The following NLGN1 variants were observed in gnomAD, a reference collection of about 807,000 sequenced individuals.
NLGN1 encodes the protein neuroligin 1.
NLGN1 carries 12 observed loss-of-function variants against 65.5 expected under a neutral mutation model. The observed-to-expected ratio is 0.18, with a 90% CI of 0.12 to 0.30. The LOEUF (loss-of-function observed/expected upper bound fraction) is 0.30. Ranked by LOEUF, NLGN1 falls within the 10% of genes least tolerant of loss-of-function variation. The pLI, the probability that NLGN1 is intolerant of heterozygous loss-of-function variation, is 1.00. For synonymous variants in NLGN1, 350 were observed against 359.5 expected (o/e 0.97, Z 0.30); for missense variants, 750 against 1,007.1 (o/e 0.74, Z 3.46).
intron 4 of NLGN1, among the ~76,000 whole-genome samples, chr3:174,257,346 G>C (rs568803152): frequency 1.3e-5 from 2 of 152,216 alleles, no homozygotes; most frequent in African/African-American, 4.8e-5. Flanking sequence ...AAGAGAATGT[G>C]GCAATTCCTC....
At chr3:173,407,160 A>G (rs1395768984) in intron 1 of NLGN1, among the ~76,000 whole-genome samples, 2 of 152,216 alleles carry the variant, frequency 1.3e-5, no homozygotes, top group African/African-American at 4.8e-5. Context: ...GATTATATTC[A>G]TATTGTAATC....
chr3:173,534,015 T>C (rs1737049185), intron 2 of NLGN1, among the ~76,000 whole-genome samples: 1 of 152,074 alleles, frequency 6.6e-6, no homozygotes, highest in African/African-American at 2.4e-5. Flanking sequence ...GAACATGGGC[T>C]TTTTAGCCAG....
intron 3 of NLGN1, among the ~76,000 whole-genome samples, chr3:173,684,687 C>A (rs1424646546): frequency 1.3e-5 from 2 of 152,114 alleles, no homozygotes; most frequent in South Asian, 4.1e-4. Context: ...TTATTGTTCA[C>A]TTTTTTTGTT....
At chr3:173,559,617 A>G in intron 2 of NLGN1, among the ~76,000 whole-genome samples, 1 of 152,222 alleles carries the variant, frequency 6.6e-6, no homozygotes, top group East Asian at 1.9e-4. Context: ...CCTATATCCT[A>G]TCCAGAAGTA....
chr3:174,232,445 A>G (rs1032989201), intron 4 of NLGN1, among the ~76,000 whole-genome samples: 2 of 152,208 alleles, frequency 1.3e-5, no homozygotes, highest in African/African-American at 2.4e-5. Flanking sequence ...GACAGGAGCC[A>G]TAGGCTGTTG....
intron 3 of NLGN1, among the ~76,000 whole-genome samples, chr3:173,630,071 C>T (rs9290475): frequency 0.37 from 56,565 of 151,876 alleles, 11,339 homozygotes; most frequent in African/African-American, 0.53. Context: ...AAACTATGTT[C>T]CTAGGTTACA....
chr3:173,939,867 A>G (rs1745703640), intron 4 of NLGN1, among the ~76,000 whole-genome samples: 1 of 152,052 alleles, frequency 6.6e-6, no homozygotes, highest in Non-Finnish European at 1.5e-5. Flanking sequence ...TGTTATCCAA[A>G]AGAAGTTGAA....
intron 4 of NLGN1, among the ~76,000 whole-genome samples, chr3:174,126,090 G>A (rs9878331): frequency 0.28 from 42,063 of 151,824 alleles, 7,574 homozygotes; most frequent in African/African-American, 0.52. Flanking sequence ...GTGTTCACCC[G>A]GGCATGATGC....
intron 2 of NLGN1, among the ~76,000 whole-genome samples, chr3:173,578,589 A>G (rs1745910656): frequency 6.6e-6 from 1 of 152,204 alleles, no homozygotes; most frequent in South Asian, 2.1e-4. Context: ...GGAAACATAG[A>G]CTCAAATAAA....
intron 2 of NLGN1, among the ~76,000 whole-genome samples, chr3:173,585,777 T>A (rs1747328946): frequency 6.6e-6 from 1 of 152,222 alleles, no homozygotes; most frequent in South Asian, 2.1e-4. Flanking sequence ...ACTTACTGGC[T>A]TTTCTTTCCA....
intron 3 of NLGN1, among the ~76,000 whole-genome samples, chr3:173,669,445 C>T (rs959461293): frequency 2.0e-5 from 3 of 152,100 alleles, no homozygotes; most frequent in Non-Finnish European, 4.4e-5. Flanking sequence ...CTGGTAGATC[C>T]TTAGTTTGTG....
At chr3:173,648,449 TA>T (rs1040121357) in intron 3 of NLGN1, among the ~76,000 whole-genome samples, 4 of 152,182 alleles carry the variant, frequency 2.6e-5, no homozygotes, top group African/African-American at 9.7e-5. Context: ...CAAAATAAGT[TA>T]AAAAGATGAT....
intron 2 of NLGN1, among the ~76,000 whole-genome samples, chr3:173,494,507 A>G (rs1456298168): frequency 2.0e-5 from 3 of 151,458 alleles, no homozygotes; most frequent in Non-Finnish European, 4.4e-5. Flanking sequence ...CATTTTCTTA[A>G]TGGTGTTTTT....
Position 174,159,470 on chromosome 3 carries a change from C to A in NLGN1, c.647-115845C>A, listed in dbSNP as rs559470215. Among the ~76,000 whole-genome samples the A allele has an allele frequency of 3.3e-5, 5 of 151,528 alleles. No homozygotes were observed. In the East Asian group the frequency reaches 9.7e-4, roughly 29 times the overall value. On this transcript the variant is annotated intron_variant, in intron 4 of 6. Coordinates refer to ENST00000457714, the Ensembl canonical transcript of NLGN1. Reference sequence around the variant, plus strand: ...CCCAACAACTAAATTTTATAAAATACAATTTGCTCTGATTATACAGTCAGT... The same window carrying A: ...CCCAACAACTAAATTTTATAAAATAAAATTTGCTCTGATTATACAGTCAGT...
chr3:173,902,203 G>C (rs1432164645), intron 4 of NLGN1, among the ~76,000 whole-genome samples: 1 of 151,912 alleles, frequency 6.6e-6, no homozygotes, highest in Non-Finnish European at 1.5e-5. Flanking sequence ...ACTTTTTCCA[G>C]ACCTCATAGT....
intron 4 of NLGN1, among the ~76,000 whole-genome samples, chr3:173,992,993 TA>T (rs1238090809): frequency 1.3e-5 from 2 of 152,210 alleles, no homozygotes; most frequent in Non-Finnish European, 2.9e-5. Context: ...TGTGGCGTAA[TA>T]GTACAAGAGG....
chr3:173,470,792 A>G (rs1725191897), intron 2 of NLGN1, among the ~76,000 whole-genome samples: 1 of 152,082 alleles, frequency 6.6e-6, no homozygotes, highest in African/African-American at 2.4e-5. Context: ...AGGCTATGGG[A>G]TTCTTAATGA....
At chr3:173,515,814 C>G (rs1733719869) in intron 2 of NLGN1, among the ~76,000 whole-genome samples, 1 of 151,900 alleles carries the variant, frequency 6.6e-6, no homozygotes, top group Non-Finnish European at 1.5e-5. Context: ...CCCTCATTTC[C>G]TGAAGATTAG....
intron 4 of NLGN1, among the ~76,000 whole-genome samples, chr3:174,171,847 CAT>C (rs1176944860): frequency 6.6e-6 from 1 of 152,156 alleles, no homozygotes; most frequent in African/African-American, 2.4e-5. Flanking sequence ...CATGATTCCA[CAT>C]GTCAGGGTCA....
Sources: allele counts gnomAD v4.1 joint callset (sites outside exome capture counted in the v4.1 genomes callset), GRCh38; gene constraint gnomAD v4.1.1; transcripts MANE v1.5; gene names NCBI Gene and HGNC (gene_info 2026-07-23, HGNC 2026-07-21).